FGF12: variants seen among roughly 807,000 people sequenced by gnomAD.
The protein encoded by FGF12 is fibroblast growth factor 12.
Under a neutral mutation model 23.6 loss-of-function variants are expected in FGF12, and 14 were observed. The observed-to-expected ratio is 0.59, with a 90% CI of 0.39 to 0.93. The LOEUF is 0.93. Among genes scored for constraint, FGF12 ranks in the 40% least tolerant of loss-of-function variants. The pLI, the probability that FGF12 is intolerant of heterozygous loss-of-function variation, is 0.00. For missense variants in FGF12, 175 were observed against 217.8 expected, an observed-to-expected ratio of 0.80 and a Z score of 1.24; for synonymous variants, 62 against 77.3, an observed-to-expected ratio of 0.80 and a Z score of 1.04.
At chr3:192,323,461 C>A (rs1716651833) in intron 4 of FGF12, among the ~76,000 whole-genome samples, 1 of 152,070 alleles carries the variant, frequency 6.6e-6, no homozygotes, top group Non-Finnish European at 1.5e-5. Context: ...AAAACAGGCA[C>A]AGAAAGACAA....
intron 2 of FGF12, among the ~76,000 whole-genome samples, chr3:192,617,548 G>T (rs1714806782): frequency 6.6e-6 from 1 of 152,070 alleles, no homozygotes; most frequent in Non-Finnish European, 1.5e-5. Context: ...TTATAAGAAT[G>T]GGCAAAGCCA....
chr3:192,575,132 A>G (rs1056974818), intron 2 of FGF12, among the ~76,000 whole-genome samples: 1 of 152,232 alleles, frequency 6.6e-6, no homozygotes, highest in Admixed American at 6.5e-5. Flanking sequence ...GTAAGCCTAG[A>G]AGAGACAAAC....
intron 5 of FGF12, among the ~76,000 whole-genome samples, chr3:192,147,856 C>T (rs777799707): frequency 6.6e-6 from 1 of 152,050 alleles, no homozygotes; most frequent in Non-Finnish European, 1.5e-5. Flanking sequence ...GTATGTTAAT[C>T]AAGATTTAAG....
At chr3:192,571,331 A>C (rs78816838) in intron 2 of FGF12, among the ~76,000 whole-genome samples, 2,069 of 152,312 alleles carry the variant, frequency 0.014, 41 homozygotes, top group African/African-American at 0.047. Flanking sequence ...AACAAACAAA[A>C]AAACCAAACC....
chr3:192,494,040 C>G (rs940939833), intron 2 of FGF12, among the ~76,000 whole-genome samples: 1 of 152,188 alleles, frequency 6.6e-6, no homozygotes, highest in Non-Finnish European at 1.5e-5. Flanking sequence ...CTAAACACTT[C>G]AGAAATCAAA....
chr3:192,508,599 C>G (rs975317150), intron 2 of FGF12, among the ~76,000 whole-genome samples: 1 of 152,166 alleles, frequency 6.6e-6, no homozygotes, highest in African/African-American at 2.4e-5. Context: ...GAAAAGGTAT[C>G]ACATAGATAA....
chr3:192,708,004 G>T (rs952745053), intron 2 of FGF12, among the ~76,000 whole-genome samples: 2 of 152,096 alleles, frequency 1.3e-5, no homozygotes, highest in Non-Finnish European at 2.9e-5. Context: ...CTGTCACCCA[G>T]GCTGGAGTGC....
chr3:192,655,871 G>A (rs4234623), intron 2 of FGF12, among the ~76,000 whole-genome samples: 86,281 of 151,364 alleles, frequency 0.57, 24,981 homozygotes, highest in East Asian at 0.67. Context: ...GGGGGAATGG[G>A]AAGAGGTGAA....
chr3:192,593,207 A>C (rs1221586982), intron 2 of FGF12, among the ~76,000 whole-genome samples: 2 of 151,724 alleles, frequency 1.3e-5, no homozygotes, highest in Non-Finnish European at 2.9e-5. Flanking sequence ...CTCCTCTCTA[A>C]CACTCTGCTC....
intron 4 of FGF12, among the ~76,000 whole-genome samples, chr3:192,274,577 G>A (rs1242114393): frequency 1.4e-5 from 2 of 142,238 alleles, no homozygotes; most frequent in Admixed American, 1.5e-4. Context: ...GAAGAGAGAG[G>A]AGAGAGAAGA....
intron 2 of FGF12, among the ~76,000 whole-genome samples, chr3:192,376,050 T>A (rs1275499888): frequency 6.6e-6 from 1 of 152,184 alleles, no homozygotes; most frequent in Admixed American, 6.5e-5. Context: ...AATTTTGGGG[T>A]TCTGCAAATT....
intron 2 of FGF12, among the ~76,000 whole-genome samples, chr3:192,686,976 C>G (rs1367652378): frequency 2.7e-5 from 4 of 150,546 alleles, no homozygotes; most frequent in Non-Finnish European, 4.4e-5. Context: ...CTACAGGCAC[C>G]CGCCACCACA....
intron 4 of FGF12, among the ~76,000 whole-genome samples, chr3:192,175,439 A>G (rs1461597129): frequency 3.3e-5 from 5 of 152,134 alleles, no homozygotes; most frequent in African/African-American, 1.2e-4. Flanking sequence ...ATTCTATGTC[A>G]TGTGTGTAGA....
At chr3:192,647,605 C>T (rs1372193496) in intron 2 of FGF12, among the ~76,000 whole-genome samples, 1 of 151,038 alleles carries the variant, frequency 6.6e-6, no homozygotes, top group African/African-American at 2.4e-5. Flanking sequence ...TGAATAATTA[C>T]CTGGAATTCA....
intron 2 of FGF12, among the ~76,000 whole-genome samples, chr3:192,501,060 G>C (rs962619617): frequency 6.6e-6 from 1 of 152,130 alleles, no homozygotes; most frequent in Non-Finnish European, 1.5e-5. Flanking sequence ...ACACAAATTT[G>C]AGTGAAAAAT....
At chr3:192,219,109 G>T (rs543788136) in intron 4 of FGF12, among the ~76,000 whole-genome samples, 1 of 151,770 alleles carries the variant, frequency 6.6e-6, no homozygotes. Context: ...AATTGAGATG[G>T]AGTCTTGCTC....
At chr3:192,470,514 G>A (rs1405384893) in intron 2 of FGF12, among the ~76,000 whole-genome samples, 2 of 152,036 alleles carry the variant, frequency 1.3e-5, no homozygotes, top group Non-Finnish European at 2.9e-5. Context: ...TCGGCCCCCC[G>A]AATATCTGGG....
At chr3:192,688,767 T>G (rs1049322297) in intron 2 of FGF12, among the ~76,000 whole-genome samples, 3 of 152,152 alleles carry the variant, frequency 2.0e-5, no homozygotes, top group East Asian at 1.9e-4. Flanking sequence ...GAAATCAGTA[T>G]GTCAAAAGGA....
At chr3:192,695,404 C>T (rs961379855) in intron 2 of FGF12, among the ~76,000 whole-genome samples, 3 of 151,980 alleles carry the variant, frequency 2.0e-5, no homozygotes, top group East Asian at 1.9e-4. Flanking sequence ...GAGAAATGTC[C>T]CTTTGTGTTC....
Sources: allele counts gnomAD v4.1 joint callset (sites outside exome capture counted in the v4.1 genomes callset), GRCh38; gene constraint gnomAD v4.1.1; transcripts MANE v1.5; gene names NCBI Gene and HGNC (gene_info 2026-07-23, HGNC 2026-07-21).